RTN1: variants seen among roughly 807,000 people sequenced by gnomAD.
RTN1 encodes reticulon 1.
In RTN1, 25 loss-of-function variants were observed where a neutral mutation model predicts 65.5. The observed-to-expected ratio is 0.38, with a 90% CI of 0.28 to 0.53. RTN1 has a LOEUF of 0.53. Among genes scored for constraint, RTN1 ranks in the 20% least tolerant of loss-of-function variants. RTN1 has a pLI of 0.79. For synonymous variants in RTN1, 471 were observed against 447.6 expected (o/e 1.05, Z -0.66); for missense variants, 983 against 1,025.4 (o/e 0.96, Z 0.57).
At chr14:59,702,183 A>T (rs1884193521) in intron 3 of RTN1, among the ~76,000 whole-genome samples, 1 of 152,222 alleles carries the variant, frequency 6.6e-6, no homozygotes, top group Non-Finnish European at 1.5e-5. Flanking sequence ...TGATTAATCA[A>T]TAATTAAATA....
intron 3 of RTN1, among the ~76,000 whole-genome samples, chr14:59,648,176 A>T (rs1269329459): frequency 1.3e-5 from 2 of 152,210 alleles, no homozygotes; most frequent in Admixed American, 1.3e-4. Flanking sequence ...ACATGCACAC[A>T]AATTAGAAAA....
chr14:59,826,885 GA>G (rs932208735), intron 1 of RTN1, among the ~76,000 whole-genome samples: 3 of 151,464 alleles, frequency 2.0e-5, no homozygotes, highest in African/African-American at 4.9e-5. Flanking sequence ...GATGAGTGCA[GA>G]AAAAAAATGA....
At chr14:59,689,290 G>C (rs554961605) in intron 3 of RTN1, among the ~76,000 whole-genome samples, 1 of 152,250 alleles carries the variant, frequency 6.6e-6, no homozygotes, top group Non-Finnish European at 1.5e-5. Context: ...AGTGAACAAA[G>C]TCTTTTAGAA....
rs146220021 is a variant in RTN1, at chr14:59,690,683, T to G, written c.1765+36236A>C. Among the ~76,000 whole-genome samples, 1,063 of 152,126 alleles carry G rather than the reference T, an allele frequency of 7.0e-3. 12 individuals carry two copies. The highest frequency in any genetic ancestry group is 0.024 in the African/African-American group (1,002 of 41,488). On this transcript the variant is annotated intron_variant, in intron 3 of 8. Transcript: ENST00000267484. ...GAAACATACTCCAAGACTGACCACA[T>G]GTTTGGCCATAAAGCAAGTCTCAAT... is the stretch of plus-strand genomic sequence containing the variant.
At chr14:59,615,949 T>C (rs1237742216) in intron 3 of RTN1, among the ~76,000 whole-genome samples, 1 of 152,132 alleles carries the variant, frequency 6.6e-6, no homozygotes, top group Non-Finnish European at 1.5e-5. Context: ...GAATTACGTA[T>C]GGTAACCTAG....
chr14:59,817,492 C>T (rs28573316), intron 1 of RTN1, among the ~76,000 whole-genome samples: 30,684 of 151,900 alleles, frequency 0.2, 4,456 homozygotes, highest in African/African-American at 0.41. Context: ...AAGAAGACAC[C>T]CTTTATTTTT....
chr14:59,673,212 G>A (rs1319486259), intron 3 of RTN1, among the ~76,000 whole-genome samples: 2 of 152,120 alleles, frequency 1.3e-5, no homozygotes, highest in Non-Finnish European at 2.9e-5. Context: ...CTCTTGCTTG[G>A]GGAGTCCCAA....
chr14:59,773,184 A>C (rs1484219256), intron 1 of RTN1, among the ~76,000 whole-genome samples: 1 of 152,308 alleles, frequency 6.6e-6, no homozygotes, highest in Middle Eastern at 3.4e-3. Context: ...AAGAACCCCA[A>C]AGATAGTAAA....
chr14:59,721,313 C>A (rs149684432), intron 3 of RTN1, among the ~76,000 whole-genome samples: 2 of 152,156 alleles, frequency 1.3e-5, no homozygotes, highest in Non-Finnish European at 2.9e-5. Flanking sequence ...AGAGGCCTGC[C>A]TCCCAGGGCA....
At chr14:59,783,733 T>C (rs991341717) in intron 1 of RTN1, among the ~76,000 whole-genome samples, 9 of 152,106 alleles carry the variant, frequency 5.9e-5, no homozygotes, top group Non-Finnish European at 1.0e-4. Context: ...AGCACAGGGG[T>C]ATCAGACACT....
chr14:59,727,849 A>T lies in RTN1; in HGVS notation c.1016-181T>A, dbSNP rs930822339. On this transcript the variant is annotated intron_variant, in intron 2 of 8. Coordinates refer to ENST00000267484, the MANE Select transcript of RTN1 (RefSeq NM_021136.3). The surrounding 1 kb of genome is among the most constrained non-coding windows in gnomAD (Gnocchi z 4.2). ...CAGGGCTATGCTGGAAAGACAGGCC[A>T]CCTGAACTAAAAGGCTAATTACTGT... 1.5e-5 allele frequency: 13 copies of T among 842,862 alleles called. No homozygotes were observed. In the African/African-American group the frequency reaches 1.9e-4, roughly 13 times the overall value. 52.2% of individuals were successfully genotyped at this position (842,862 alleles called of 1,614,324 possible). A position where few individuals can be genotyped will look rare whatever the true frequency, so the allele number is the denominator to read the frequency against.
intron 3 of RTN1, among the ~76,000 whole-genome samples, chr14:59,651,938 T>C (rs567630983): frequency 6.6e-6 from 1 of 152,170 alleles, no homozygotes; most frequent in Admixed American, 6.5e-5. Flanking sequence ...TTGCAAACTA[T>C]GCATCAAAGG....
chr14:59,826,300 G>A (rs1371040083), intron 1 of RTN1, among the ~76,000 whole-genome samples: 2 of 152,198 alleles, frequency 1.3e-5, no homozygotes, highest in Non-Finnish European at 2.9e-5. Flanking sequence ...TCAATAAAAT[G>A]GGTTAAGTGA....
At chr14:59,711,146 A>C (rs1884410618) in intron 3 of RTN1, among the ~76,000 whole-genome samples, 3 of 152,246 alleles carry the variant, frequency 2.0e-5, no homozygotes, top group Non-Finnish European at 4.4e-5. Flanking sequence ...CAAAATGAGA[A>C]GAAGCATTCA....
At chr14:59,740,901 TC>T (rs1276404778) in intron 2 of RTN1, among the ~76,000 whole-genome samples, 1 of 152,084 alleles carries the variant, frequency 6.6e-6, no homozygotes, top group Admixed American at 6.5e-5. Context: ...TCACCTAAAA[TC>T]ATCAGATAAA....
At chr14:59,715,312 T>G (rs1594695339) in intron 3 of RTN1, among the ~76,000 whole-genome samples, 1 of 152,338 alleles carries the variant, frequency 6.6e-6, no homozygotes, top group South Asian at 2.1e-4. Flanking sequence ...GCTCTGAGAC[T>G]TTCCTCATCA....
intron 1 of RTN1, among the ~76,000 whole-genome samples, chr14:59,821,893 T>A (rs1178224845): frequency 6.6e-6 from 1 of 152,218 alleles, no homozygotes; most frequent in Non-Finnish European, 1.5e-5. Flanking sequence ...AGCTTTTTGA[T>A]CTGCTCCTGG....
intron 5 of RTN1, chr14:59,604,475 AC>A (rs1391931012): frequency 6.6e-6 from 1 of 152,486 alleles, no homozygotes; most frequent in Non-Finnish European, 1.5e-5. Context: ...GTTCTGGCCC[AC>A]AATTTTTACA....
chr14:59,712,187 G>A (rs369648345), intron 3 of RTN1, among the ~76,000 whole-genome samples: 5 of 152,180 alleles, frequency 3.3e-5, no homozygotes, highest in African/African-American at 1.2e-4. Context: ...CACACCTGAG[G>A]CTAAGGGAGG....
Sources: gnomAD v4.1 joint callset for allele counts (sites outside exome capture counted in the v4.1 genomes callset) on GRCh38, gnomAD v4.1.1 for gene constraint, Gnocchi (gnomAD v3.1) non-coding constraint, MANE v1.5 for transcripts, NCBI Gene and HGNC (gene_info 2026-07-23, HGNC 2026-07-21) for gene names.